CD40LG: variants seen among roughly 807,000 people sequenced by gnomAD.
CD40LG encodes the protein CD40 ligand.
A neutral mutation model predicts 17.2 loss-of-function variants in CD40LG; 1 was observed. The ratio of observed to expected loss-of-function variants is 0.06; its 90% CI spans 0.02 to 0.28. The LOEUF is 0.28. Among genes scored for constraint, CD40LG ranks in the 10% least tolerant of loss-of-function variants. The pLI, the probability that CD40LG is intolerant of heterozygous loss-of-function variation, is 1.00. For synonymous variants in CD40LG, 66 were observed against 74.4 expected, an observed-to-expected ratio of 0.89 and a Z score of 0.58; for missense variants, 133 against 193.2, an observed-to-expected ratio of 0.69 and a Z score of 1.85.
chrX:136,656,065 C>T (rs1186776171), intron 3 of CD40LG, among the ~76,000 whole-genome samples: 9 of 111,975 alleles, frequency 8.0e-5, no homozygotes, highest in Non-Finnish European at 1.3e-4. Context: ...GCAAGATTCA[C>T]GGTATGTTTA....
intron 1 of CD40LG, among the ~76,000 whole-genome samples, chrX:136,648,936 CA>C (rs1205356780): frequency 8.9e-6 from 1 of 112,103 alleles, no homozygotes; most frequent in Non-Finnish European, 1.9e-5. Context: ...CCAGAATTTG[CA>C]GTCTTTTAGT....
intron 2 of CD40LG, among the ~76,000 whole-genome samples, chrX:136,651,922 G>A (rs3092941): frequency 9.0e-6 from 1 of 110,979 alleles, no homozygotes; most frequent in African/African-American, 3.3e-5. Context: ...AGTCCCCCTC[G>A]TTTCTTACGG....
At chrX:136,654,089 T>C (rs1340210241) in intron 2 of CD40LG, among the ~76,000 whole-genome samples, 3 of 111,701 alleles carry the variant, frequency 2.7e-5, no homozygotes, top group African/African-American at 9.8e-5. Flanking sequence ...ATAGGAAGGG[T>C]CAGGATCACA....
At chrX:136,655,366 T>G (rs1350519316) in intron 3 of CD40LG, among the ~76,000 whole-genome samples, 1 of 111,963 alleles carries the variant, frequency 8.9e-6, no homozygotes, top group African/African-American at 3.3e-5. Context: ...CACTAACGTT[T>G]TCCTGTTCTT....
intron 4 of CD40LG, among the ~76,000 whole-genome samples, chrX:136,657,215 A>G (rs1351886795): frequency 8.9e-6 from 1 of 111,808 alleles, no homozygotes; most frequent in African/African-American, 3.3e-5. Flanking sequence ...TATGTGTGTG[A>G]CAGGGAGAGA....
intron 4 of CD40LG, among the ~76,000 whole-genome samples, chrX:136,657,826 G>T (rs2076123284): frequency 9.0e-6 from 1 of 110,876 alleles, no homozygotes; most frequent in Admixed American, 9.6e-5. Context: ...ATCACAATAG[G>T]TTTCCAGGGG....
At position 136,648,200 on chromosome X, in the gene CD40LG, C is replaced by T; in HGVS notation, c.-49C>T. On this transcript the variant is annotated 5_prime_UTR_variant, in exon 1 of 5. Coordinates refer to ENST00000370629, the MANE Select transcript of CD40LG (RefSeq NM_000074.3). ...CCACTTTGACAGTCTTCTCATGCTG[C>T]CTCTGCCACCTTCTCTGCCAGAAGA... is the stretch of plus-strand genomic sequence containing the variant. The T allele has an allele frequency of 9.6e-7, 1 of 1,036,698 alleles. No homozygotes were observed. Among genetic ancestry groups the T allele is most frequent in the Non-Finnish European group, 1.4e-6 (1 of 736,450 alleles). The allele number at this position is 1,036,698 out of a possible 1,213,427, so 85.4% of individuals were successfully genotyped here. A position where few individuals can be genotyped will look rare whatever the true frequency, so the allele number is the denominator to read the frequency against.
intron 2 of CD40LG, among the ~76,000 whole-genome samples, chrX:136,651,083 C>T (rs3092942): frequency 0.081 from 9,006 of 111,494 alleles, 837 homozygotes; most frequent in African/African-American, 0.26. Context: ...CATGAAGTCA[C>T]TGCAGTGACT....
rs1210201609 is a variant in CD40LG at position 136,656,402 on chromosome X, C to G, written c.393C>G (p.Ser131Arg). 8.3e-7 allele frequency: 1 copy of G among 1,208,354 alleles called. No homozygotes were observed. Among genetic ancestry groups the G allele is most frequent in the Non-Finnish European group, 1.1e-6 (1 of 892,511 alleles). Reference sequence around the variant, plus strand: ...CGGCACATGTCATAAGTGAGGCCAGCAGTAAAACAACATCTGGTAAGTCAC... The same window carrying G: ...CGGCACATGTCATAAGTGAGGCCAGGAGTAAAACAACATCTGGTAAGTCAC... ...QIAAHVISEASSKTTSVLQWA... is the reference protein window; with the variant it reads ...QIAAHVISEARSKTTSVLQWA... Residue 131 changes from serine (S) to arginine (R), a missense_variant, in exon 4 of 5, where the codon AGC becomes AGG. Coordinates refer to ENST00000370629, the MANE Select transcript of CD40LG (RefSeq NM_000074.3).
rs147340102 is a variant in CD40LG at position 136,659,179 on chromosome X, T to A, written c.550T>A (p.Ser184Thr). 2.2e-5 allele frequency: 27 copies of A among 1,210,087 alleles called. No individual in the cohort carries two copies. In the African/African-American group the frequency reaches 4.5e-4, roughly 20 times the overall value. ...QVTFCSNREASSQAPFIASLC... is the reference protein window; with the variant it reads ...QVTFCSNREATSQAPFIASLC... ...CACCTTCTGTTCCAATCGGGAAGCT[T>A]CGAGTCAAGCTCCATTTATAGCCAG... is the stretch of plus-strand genomic sequence containing the variant. The change falls in exon 5 of 5, where the codon TCG becomes ACG. Residue 184 changes from serine (S) to threonine (T), a missense_variant. Transcript: ENST00000370629.
chrX:136,650,363 A>G lies in CD40LG; in HGVS notation c.254A>G (p.Glu85Gly). 1 of 1,206,731 alleles carries G rather than the reference A, an allele frequency of 8.3e-7. No homozygotes were observed. Among genetic ancestry groups the G allele is most frequent in the Non-Finnish European group, 1.1e-6 (1 of 891,030 alleles). The change falls in exon 2 of 5, where the codon GAG (glutamate) becomes GGG (glycine). Residue 85 changes from glutamate (E) to glycine (G), a missense_variant. By Grantham distance (98) the Glu-to-Gly change is moderately conservative. Transcript: ENST00000370629. ...GERSLSLLNC[E>G]EIKSQFEGFV... is the part of the protein sequence containing the mutation. The stretch of plus-strand genomic sequence containing the variant: ...AGATCCTTATCCTTACTGAACTGTG[A>G]GGAGATTAAAAGCCAGTTTGAAGGC...
intron 1 of CD40LG, among the ~76,000 whole-genome samples, chrX:136,649,812 G>A (rs907009073): frequency 1.8e-5 from 2 of 112,540 alleles, no homozygotes; most frequent in East Asian, 2.8e-4. Flanking sequence ...ATTAGAACTC[G>A]TTAACTGACA....
intron 4 of CD40LG, among the ~76,000 whole-genome samples, chrX:136,657,389 G>C (rs1379837377): frequency 9.0e-6 from 1 of 111,641 alleles, no homozygotes; most frequent in African/African-American, 3.3e-5. Flanking sequence ...CAAGGACCAT[G>C]ACCACTGCTT....
intron 4 of CD40LG, 66 bp from the exon 5 acceptor site, chrX:136,658,973 T>G: frequency 8.7e-7 from 1 of 1,146,401 alleles, no homozygotes; most frequent in Non-Finnish European, 1.2e-6. Flanking sequence ...TAAACTATAT[T>G]TTTTGTCAGA....
intron 2 of CD40LG, among the ~76,000 whole-genome samples, chrX:136,651,353 T>C (rs2076103409): frequency 9.0e-6 from 1 of 111,311 alleles, no homozygotes; most frequent in Admixed American, 9.5e-5. Context: ...CAGGAATTAG[T>C]TCTCACATAT....
intron 2 of CD40LG, 70 bp from the exon 3 acceptor site, chrX:136,654,303 G>C: frequency 1.3e-6 from 1 of 765,779 alleles, no homozygotes; most frequent in East Asian, 3.2e-5. Flanking sequence ...GATGCAAAAC[G>C]AATGATAATT....
Position 136,655,268 on chromosome X carries a change from A to T in CD40LG, c.346+838A>T, listed in dbSNP as rs145342064. Among the ~76,000 whole-genome samples the T allele has an allele frequency of 4.9e-3, 543 of 111,744 alleles. 2 individuals carry two copies. The highest frequency in any genetic ancestry group is 0.017 in the African/African-American group (522 of 30,753). ...GCCTTGACTGAGCTTTTTCTTCTCCAGGCTAAAGATCCCTGATGTCTTCCA... is the reference window on the plus strand; with the variant it reads ...GCCTTGACTGAGCTTTTTCTTCTCCTGGCTAAAGATCCCTGATGTCTTCCA... On this transcript the variant is annotated intron_variant, in intron 3 of 4. Transcript: ENST00000370629.
chrX:136,654,397 A>G lies in CD40LG; in HGVS notation c.313A>G (p.Thr105Ala). The change falls in exon 3 of 5, where the codon ACG (threonine) becomes GCG (alanine). Residue 105 changes from threonine to alanine, a missense_variant. Thr to Ala is a moderately conservative substitution (Grantham distance 58). Transcript: ENST00000370629. ...VKDIMLNKEE[T>A]KKENSFEMQK... ...GGATATAATGTTAAACAAAGAGGAG[A>G]CGAAGAAAGAAAACAGCTTTGAAAT... 1.7e-6 allele frequency: 2 copies of G among 1,203,444 alleles called. No individual in the cohort carries two copies. The highest frequency in any genetic ancestry group is 2.3e-6 in the Non-Finnish European group (2 of 887,868).
chrX:136,653,260 G>A (rs185315575), intron 2 of CD40LG, among the ~76,000 whole-genome samples: 324 of 112,467 alleles, frequency 2.9e-3, no homozygotes, highest in South Asian at 0.011. Flanking sequence ...CTGAGGCTCA[G>A]GTTCCCCTGG....
Sources: allele counts gnomAD v4.1 joint callset (sites outside exome capture counted in the v4.1 genomes callset), GRCh38; gene constraint gnomAD v4.1.1; transcripts MANE v1.5; gene names NCBI Gene and HGNC (gene_info 2026-07-23, HGNC 2026-07-21).